Variants in IFNG-AS1 observed in about 807,000 individuals in gnomAD.
IFNG-AS1 encodes IFNG regulatory antisense RNA 1.
At chr12:67,990,631 T>C (rs905697551) in intron 1 of IFNG-AS1, among the ~76,000 whole-genome samples, 3 of 151,952 alleles carry the variant, frequency 2.0e-5, no homozygotes, top group Non-Finnish European at 2.9e-5. Flanking sequence ...TCTCGCACTG[T>C]CGACCGGGCT....
chr12:68,018,317 C>T (rs745583060), intron 3 of IFNG-AS1, among the ~76,000 whole-genome samples: 1 of 152,098 alleles, frequency 6.6e-6, no homozygotes, highest in African/African-American at 2.4e-5. Context: ...GCTTGAGGCA[C>T]AGAATGAATT....
At chr12:68,010,829 T>A (rs2120462757) in intron 3 of IFNG-AS1, among the ~76,000 whole-genome samples, 1 of 152,352 alleles carries the variant, frequency 6.6e-6, no homozygotes, top group African/African-American at 2.4e-5. Flanking sequence ...TTTACCCTCG[T>A]GCCCTTGGGA....
At chr12:68,012,759 G>C (rs1028608257) in intron 3 of IFNG-AS1, among the ~76,000 whole-genome samples, 1 of 152,164 alleles carries the variant, frequency 6.6e-6, no homozygotes, top group African/African-American at 2.4e-5. Context: ...CATAGTTCCA[G>C]CCTGTGGGCA....
intron 2 of IFNG-AS1, among the ~76,000 whole-genome samples, chr12:67,996,684 A>T (rs1339398962): frequency 6.6e-6 from 1 of 152,226 alleles, no homozygotes; most frequent in Non-Finnish European, 1.5e-5. Context: ...AGAAAAGCTC[A>T]GGAACTCACA....
rs544796431 is a variant in IFNG-AS1, at chr12:68,006,410, C to A, written n.241+264C>A. Among the ~76,000 whole-genome samples, 78 of 152,084 alleles carry A rather than the reference C, an allele frequency of 5.1e-4. 1 individual carries two copies. The South Asian group carries it at 0.016, about 30-fold the overall frequency. On this transcript the variant is annotated intron_variant and non_coding_transcript_variant, in intron 3 of 5. Transcript: ENST00000536914. ...AACAAATTCCAGATTTTTTTATAAG[C>A]TGAGATTAATGAGTCAAATTCTAAT...
At chr12:67,996,144 G>A (rs1174627257) in intron 2 of IFNG-AS1, 3 of 152,180 alleles carry the variant, frequency 2.0e-5, no homozygotes, top group African/African-American at 7.2e-5. Flanking sequence ...CCTACTATGT[G>A]TTAGGCATGG....
At chr12:68,017,456 G>A (rs927527021) in intron 3 of IFNG-AS1, among the ~76,000 whole-genome samples, 1 of 152,090 alleles carries the variant, frequency 6.6e-6, no homozygotes, top group African/African-American at 2.4e-5. Context: ...TTTGAGTACT[G>A]GAAGCTGAGA....
intron 3 of IFNG-AS1, among the ~76,000 whole-genome samples, chr12:68,019,466 G>C (rs1880235535): frequency 6.6e-6 from 1 of 152,160 alleles, no homozygotes; most frequent in South Asian, 2.1e-4. Flanking sequence ...AATATACACT[G>C]TGCTTCCCTG....
chr12:68,012,450 T>C (rs773381176), intron 3 of IFNG-AS1, among the ~76,000 whole-genome samples: 3 of 152,164 alleles, frequency 2.0e-5, no homozygotes, highest in South Asian at 2.1e-4. Context: ...GAATACACTA[T>C]GCTCAACCAG....
chr12:68,017,661 A>G (rs1158923704), intron 3 of IFNG-AS1, among the ~76,000 whole-genome samples: 2 of 152,194 alleles, frequency 1.3e-5, no homozygotes, highest in Non-Finnish European at 2.9e-5. Flanking sequence ...TCTGGGGAAT[A>G]TAATATAATC....
At chr12:68,021,272 T>C (rs1473532464) in intron 4 of IFNG-AS1, 1 of 152,226 alleles carries the variant, frequency 6.6e-6, no homozygotes, top group Non-Finnish European at 1.5e-5. Context: ...CCTTATATGG[T>C]ATATAAAGAT....
intron 1 of IFNG-AS1, among the ~76,000 whole-genome samples, chr12:67,994,379 G>T (rs761256631): frequency 1.3e-5 from 2 of 152,248 alleles, no homozygotes; most frequent in African/African-American, 2.4e-5. Flanking sequence ...TGGAGGTACA[G>T]AAAGGAAGGA....
intron 3 of IFNG-AS1, among the ~76,000 whole-genome samples, chr12:68,016,338 A>G (rs1035858966): frequency 1.8e-4 from 27 of 152,072 alleles, no homozygotes; most frequent in Admixed American, 1.7e-3. Flanking sequence ...GCCCTCACCC[A>G]GACCTATTTA....
At chr12:68,001,915 A>C (rs565124973) in intron 2 of IFNG-AS1, among the ~76,000 whole-genome samples, 6 of 152,368 alleles carry the variant, frequency 3.9e-5, no homozygotes, top group Admixed American at 3.3e-4. Context: ...AGCTACCTGC[A>C]AATGAGGATA....
intron 4 of IFNG-AS1, chr12:68,020,847 A>T (rs1246251707): frequency 6.6e-6 from 1 of 152,206 alleles, no homozygotes; most frequent in Non-Finnish European, 1.5e-5. Flanking sequence ...AAGTAACTGC[A>T]CTTTTGACAC....
intron 2 of IFNG-AS1, among the ~76,000 whole-genome samples, chr12:68,002,741 A>G (rs769541718): frequency 7.2e-5 from 11 of 152,166 alleles, no homozygotes; most frequent in Non-Finnish European, 1.5e-5. Flanking sequence ...CATTTCATAG[A>G]TGAGGACTTT....
At chr12:68,014,435 C>T (rs948306953) in intron 3 of IFNG-AS1, among the ~76,000 whole-genome samples, 2 of 152,200 alleles carry the variant, frequency 1.3e-5, no homozygotes, top group African/African-American at 4.8e-5. Flanking sequence ...ATCACTGCAT[C>T]CATGCCAACA....
At chr12:68,009,514 T>C (rs917697002) in intron 3 of IFNG-AS1, among the ~76,000 whole-genome samples, 1 of 152,172 alleles carries the variant, frequency 6.6e-6, no homozygotes, top group Non-Finnish European at 1.5e-5. Context: ...GCTAATTTTT[T>C]GTATTTTTAG....
chr12:67,990,728 G>A (rs1285650708), intron 1 of IFNG-AS1, among the ~76,000 whole-genome samples: 2 of 152,052 alleles, frequency 1.3e-5, no homozygotes, highest in African/African-American at 4.8e-5. Context: ...CAATGGCTGG[G>A]ATTACAGGTG....
Sources: gnomAD v4.1 joint callset for allele counts (sites outside exome capture counted in the v4.1 genomes callset) on GRCh38, gnomAD v4.1.1 for gene constraint, MANE v1.5 for transcripts, NCBI Gene and HGNC (gene_info 2026-07-23, HGNC 2026-07-21) for gene names.